Variants in GPHN observed in about 807,000 individuals in gnomAD.
The protein encoded by GPHN is gephyrin.
Under a neutral mutation model 95.5 loss-of-function variants are expected in GPHN, and 17 were observed. That is an observed-to-expected ratio of 0.18 (90% confidence interval 0.12 to 0.27). GPHN has a LOEUF of 0.27. Ranked by LOEUF, GPHN falls within the 10% of genes least tolerant of loss-of-function variation. The pLI, the probability that GPHN is intolerant of heterozygous loss-of-function variation, is 1.00. For missense variants in GPHN, 660 were observed against 978.1 expected (o/e 0.67, Z 4.34); for synonymous variants, 320 against 322.5 (o/e 0.99, Z 0.08).
intron 1 of GPHN, among the ~76,000 whole-genome samples, chr14:66,615,433 G>T (rs2062964320): frequency 6.8e-6 from 1 of 147,730 alleles, no homozygotes. Context: ...ATCTCATTGT[G>T]GTTTTGATTT....
the GPHN span, among the ~76,000 whole-genome samples, chr14:67,344,695 G>A: frequency 2.0e-5 from 3 of 146,416 alleles, no homozygotes; most frequent in Admixed American, 1.4e-4. Context: ...CCTGGGCAAC[G>A]TAGCAAGACC....
chr14:67,221,726 A>G, the GPHN span: 1 of 1,602,848 alleles, frequency 6.2e-7, no homozygotes, highest in Non-Finnish European at 8.5e-7. Flanking sequence ...ATCTTTTCTA[A>G]ATATTTGTGG....
the GPHN span, among the ~76,000 whole-genome samples, chr14:67,462,992 C>T: frequency 7.6e-4 from 115 of 152,292 alleles, no homozygotes; most frequent in African/African-American, 2.7e-3. Flanking sequence ...CCTGATTTGC[C>T]TGGTTTTGCC....
chr14:67,139,139 C>T (rs1056385068), intron 17 of GPHN, among the ~76,000 whole-genome samples: 1 of 151,620 alleles, frequency 6.6e-6, no homozygotes, highest in Non-Finnish European at 1.5e-5. Flanking sequence ...AGGAGAGTTG[C>T]TTGAACCCAG....
intron 11 of GPHN, among the ~76,000 whole-genome samples, chr14:67,062,241 A>C (rs1392282016): frequency 6.6e-6 from 1 of 152,200 alleles, no homozygotes; most frequent in Non-Finnish European, 1.5e-5. Context: ...AAACCTTTAT[A>C]GTTTGTTTTG....
the GPHN span, among the ~76,000 whole-genome samples, chr14:67,638,380 G>GA: frequency 6.7e-6 from 1 of 148,540 alleles, no homozygotes; most frequent in Non-Finnish European, 1.5e-5. Context: ...AAAAAAAAAA[G>GA]AAAAAAAATG....
the GPHN span, chr14:67,714,866 C>G: frequency 6.6e-6 from 1 of 152,190 alleles, no homozygotes; most frequent in African/African-American, 2.4e-5. Context: ...AGAGGCAAAC[C>G]TGTGCAAAGC....
intron 9 of GPHN, chr14:66,996,145 A>G (rs938837416): frequency 1.3e-6 from 2 of 1,491,298 alleles, no homozygotes; most frequent in South Asian, 1.2e-5. Flanking sequence ...TTCCTCTTTA[A>G]CAGTGTTTTC....
the GPHN span, among the ~76,000 whole-genome samples, chr14:67,347,872 G>A: frequency 6.6e-6 from 1 of 151,556 alleles, no homozygotes; most frequent in East Asian, 1.9e-4. Flanking sequence ...GCTTAAGTAT[G>A]GAATTGTAAT....
chr14:67,361,585 C>G, the GPHN span, among the ~76,000 whole-genome samples: 3 of 152,316 alleles, frequency 2.0e-5, no homozygotes, highest in East Asian at 5.8e-4. Flanking sequence ...GGAATGTGAA[C>G]TTCTATATCC....
At chr14:66,896,889 C>T (rs1363575931) in intron 5 of GPHN, among the ~76,000 whole-genome samples, 1 of 152,058 alleles carries the variant, frequency 6.6e-6, no homozygotes, top group Non-Finnish European at 1.5e-5. Flanking sequence ...CCCAGAACAT[C>T]TTCCACTTAA....
At chr14:67,626,036 TTCAGG>T in the GPHN span, among the ~76,000 whole-genome samples, 5 of 152,142 alleles carry the variant, frequency 3.3e-5, no homozygotes, top group African/African-American at 1.2e-4. Context: ...GGCAGATCAT[TTCAGG>T]TCAGGAGTTC....
chr14:67,211,191 A>G, the GPHN span, among the ~76,000 whole-genome samples: 1 of 152,062 alleles, frequency 6.6e-6, no homozygotes, highest in African/African-American at 2.4e-5. Flanking sequence ...TGATATTAAA[A>G]CCCTCACAAT....
chr14:67,497,047 C>T, the GPHN span, among the ~76,000 whole-genome samples: 30 of 152,082 alleles, frequency 2.0e-4, no homozygotes, highest in Non-Finnish European at 4.0e-4. Context: ...CCGCCTCAGC[C>T]TCCCAAAGTG....
At chr14:67,685,240 G>C in the GPHN span, 1 of 1,571,096 alleles carries the variant, frequency 6.4e-7, no homozygotes, top group African/African-American at 1.4e-5. Context: ...GGTAAGACAG[G>C]ACTTGATTTT....
chr14:66,687,021 G>C (rs949466761), intron 2 of GPHN, among the ~76,000 whole-genome samples: 6 of 152,108 alleles, frequency 3.9e-5, no homozygotes, highest in African/African-American at 1.4e-4. Flanking sequence ...TGTGGTTTTT[G>C]TCTTTGGTTC....
At chr14:66,560,256 G>T (rs1007059641) in intron 1 of GPHN, among the ~76,000 whole-genome samples, 1 of 152,130 alleles carries the variant, frequency 6.6e-6, no homozygotes, top group African/African-American at 2.4e-5. Flanking sequence ...CTTTAAAGTA[G>T]TTTTTTCCAA....
At chr14:67,674,666 C>G in the GPHN span, 1 of 484,424 alleles carries the variant, frequency 2.1e-6, no homozygotes, top group Non-Finnish European at 3.6e-6. Flanking sequence ...CGCCCACCTT[C>G]TCCAGCCAGT....
the GPHN span, among the ~76,000 whole-genome samples, chr14:67,600,710 G>C: frequency 6.6e-6 from 1 of 152,186 alleles, no homozygotes; most frequent in East Asian, 1.9e-4. Context: ...CTCCTGAGTA[G>C]CTGGGATTAC....
Sources: gnomAD v4.1 joint callset for allele counts (sites outside exome capture counted in the v4.1 genomes callset) on GRCh38, gnomAD v4.1.1 for gene constraint, MANE v1.5 for transcripts, NCBI Gene and HGNC (gene_info 2026-07-23, HGNC 2026-07-21) for gene names.